Variants in FIG4 observed in about 807,000 individuals in gnomAD.
FIG4 encodes FIG4 phosphoinositide 5-phosphatase.
Under a neutral mutation model 118.6 loss-of-function variants are expected in FIG4, and 112 were observed. The ratio of observed to expected loss-of-function variants is 0.94; its 90% CI spans 0.81 to 1.11. The LOEUF is 1.11. Ranked by LOEUF, FIG4 falls within the 50% of genes least tolerant of loss-of-function variation. The probability of loss-of-function intolerance (pLI) is 0.00; values close to 1 mark genes in which losing one functional copy is unlikely to be tolerated. For missense variants in FIG4, 969 were observed against 1,111.7 expected (o/e 0.87, Z 1.83); for synonymous variants, 369 against 381.2 (o/e 0.97, Z 0.37).
intron 20 of FIG4, among the ~76,000 whole-genome samples, 163 bp from the exon 21 acceptor site, chr6:109,792,419 A>G (rs1031823705): frequency 1.3e-5 from 2 of 152,246 alleles, no homozygotes; most frequent in Admixed American, 1.3e-4. Context: ...TGGAAATCAA[A>G]ATTTTTTAAA....
chr6:109,743,862 C>A, intron 10 of FIG4, 90 bp downstream of exon 10: 1 of 906,238 alleles, frequency 1.1e-6, no homozygotes, highest in South Asian at 1.3e-5. Context: ...GCCATGCTTT[C>A]CCTCTTCCTA....
chr6:109,739,615 C>T (rs4141930), intron 7 of FIG4, among the ~76,000 whole-genome samples: 51,496 of 151,982 alleles, frequency 0.34, 9,350 homozygotes, highest in South Asian at 0.45. Flanking sequence ...TCTCCAGATC[C>T]CCAGGGTTTC....
At position 109,796,867 on chromosome 6, in the gene FIG4, G is replaced by A. The variant is rs6907186; in HGVS notation, c.2546+16G>A. 3 of 1,398,108 alleles carry A rather than the reference G, an allele frequency of 2.1e-6. No homozygotes were observed. The highest frequency in any genetic ancestry group is 3.1e-6 in the Non-Finnish European group (3 of 982,756). The allele number at this position is 1,398,108 out of a possible 1,614,324, so 86.6% of individuals were successfully genotyped here. A position where few individuals can be genotyped will look rare whatever the true frequency, so the allele number is the denominator to read the frequency against. On this transcript the variant is annotated intron_variant, in intron 22 of 22. Transcript: ENST00000230124. ...TTATAAAACTGTAAGTACTAGATTA[G>A]ATCTTTAAAGAAATCTTTGTATTCA...
At chr6:109,792,194 G>A (rs1778154540) in intron 20 of FIG4, among the ~76,000 whole-genome samples, 1 of 152,186 alleles carries the variant, frequency 6.6e-6, no homozygotes, top group Non-Finnish European at 1.5e-5. Flanking sequence ...ATCCAGCCAT[G>A]CCTGTTTGTG....
At chr6:109,701,813 A>T (rs1314195399) in intron 1 of FIG4, 1 of 462,950 alleles carries the variant, frequency 2.2e-6, no homozygotes, top group African/African-American at 2.0e-5. Context: ...TAAGGATTGG[A>T]AAAGGAAACC....
At chr6:109,775,990 C>A (rs1399670930) in intron 15 of FIG4, among the ~76,000 whole-genome samples, 31 of 152,110 alleles carry the variant, frequency 2.0e-4, no homozygotes. Flanking sequence ...ACTGTGCTAT[C>A]TTTTTAGTTC....
At chr6:109,726,190 A>G (rs1775806852) in intron 3 of FIG4, among the ~76,000 whole-genome samples, 1 of 152,186 alleles carries the variant, frequency 6.6e-6, no homozygotes, top group Non-Finnish European at 1.5e-5. Flanking sequence ...TGTGTCTTGA[A>G]TAGTATTGCC....
intron 22 of FIG4, among the ~76,000 whole-genome samples, chr6:109,803,225 G>C (rs1266384077): frequency 2.0e-5 from 3 of 152,186 alleles, no homozygotes; most frequent in Non-Finnish European, 4.4e-5. Context: ...TGTGGAGAGT[G>C]GATTAGAGGC....
At chr6:109,785,535 G>A (rs544129552) in intron 17 of FIG4, 1 of 307,320 alleles carries the variant, frequency 3.3e-6, no homozygotes, top group African/African-American at 2.2e-5. Context: ...TATATTAAAG[G>A]AAAACCTTCA....
At chr6:109,707,362 CGT>C (rs5879038) in intron 1 of FIG4, among the ~76,000 whole-genome samples, 106,537 of 144,792 alleles carry the variant, frequency 0.74, 38,805 homozygotes, top group Non-Finnish European at 0.75. Flanking sequence ...TACATATATA[CGT>C]GTATATATAT....
intron 1 of FIG4, among the ~76,000 whole-genome samples, chr6:109,709,660 G>T (rs1331393970): frequency 1.3e-5 from 2 of 151,740 alleles, no homozygotes; most frequent in African/African-American, 2.4e-5. Flanking sequence ...TGTAGTTCTT[G>T]TAGAGATCTT....
intron 1 of FIG4, among the ~76,000 whole-genome samples, chr6:109,703,617 G>A (rs539449723): frequency 6.6e-5 from 10 of 152,274 alleles, no homozygotes; most frequent in African/African-American, 1.9e-4. Context: ...AGGACCAGAG[G>A]TGTCCACTCC....
chr6:109,774,011 T>C (rs892529431), intron 15 of FIG4, among the ~76,000 whole-genome samples: 1 of 152,086 alleles, frequency 6.6e-6, no homozygotes. Context: ...AGAATCTCCC[T>C]GTGTTCCCCA....
chr6:109,789,722 G>A (rs998910043), intron 19 of FIG4, 45 bp downstream of exon 19: 13 of 1,316,824 alleles, frequency 9.9e-6, no homozygotes, highest in Admixed American at 1.7e-5. Flanking sequence ...TTGTGTAAAA[G>A]AATAGTACTT....
At chr6:109,753,535 A>G (rs1776780487) in intron 10 of FIG4, among the ~76,000 whole-genome samples, 1 of 152,136 alleles carries the variant, frequency 6.6e-6, no homozygotes, top group African/African-American at 2.4e-5. Context: ...ACCTTGGGCA[A>G]TAGGGCCATT....
chr6:109,806,958 T>C (rs1339320065), intron 22 of FIG4, among the ~76,000 whole-genome samples: 2 of 152,210 alleles, frequency 1.3e-5, no homozygotes, highest in Non-Finnish European at 2.9e-5. Flanking sequence ...GGCTGCATAG[T>C]ATTCCATGGT....
At chr6:109,815,495 GC>G (rs112617514) in intron 22 of FIG4, among the ~76,000 whole-genome samples, 1,451 of 89,182 alleles carry the variant, frequency 0.016, 13 homozygotes, top group Non-Finnish European at 0.026. Flanking sequence ...ACTCCAGGCT[GC>G]CCCCCCCACC....
chr6:109,820,492 C>T (rs1449933845), intron 22 of FIG4, among the ~76,000 whole-genome samples: 7 of 152,026 alleles, frequency 4.6e-5, no homozygotes, highest in East Asian at 3.9e-4. Context: ...GGAACAGGTC[C>T]GGCAAGAGTA....
chr6:109,811,115 A>C (rs1352429148), intron 22 of FIG4, among the ~76,000 whole-genome samples: 1 of 152,138 alleles, frequency 6.6e-6, no homozygotes, highest in Non-Finnish European at 1.5e-5. Flanking sequence ...GATAACTGGG[A>C]GTATTTATCT....
Sources: allele counts gnomAD v4.1 joint callset (sites outside exome capture counted in the v4.1 genomes callset), GRCh38; gene constraint gnomAD v4.1.1; transcripts MANE v1.5; gene names NCBI Gene and HGNC (gene_info 2026-07-23, HGNC 2026-07-21).